NPAS3: variants seen among roughly 807,000 people sequenced by gnomAD.
NPAS3 encodes the protein neuronal PAS domain-containing protein 3.
NPAS3 carries 14 observed loss-of-function variants against 73.1 expected under a neutral mutation model. The observed-to-expected ratio is 0.19, with a 90% CI of 0.13 to 0.30. The LOEUF (loss-of-function observed/expected upper bound fraction) is 0.30. Among genes scored for constraint, NPAS3 ranks in the 10% least tolerant of loss-of-function variants. NPAS3 has a pLI of 1.00. For missense variants in NPAS3, 1,096 were observed against 1,250.0 expected, an observed-to-expected ratio of 0.88 and a Z score of 1.86; for synonymous variants, 620 against 541.5, an observed-to-expected ratio of 1.14 and a Z score of -2.01.
intron 5 of NPAS3, among the ~76,000 whole-genome samples, chr14:33,563,693 G>T (rs1198975501): frequency 6.6e-6 from 1 of 152,114 alleles, no homozygotes; most frequent in African/African-American, 2.4e-5. Context: ...TTATCTTAAA[G>T]GAAGATTCCC....
At chr14:33,226,197 T>C (rs2047626265) in intron 3 of NPAS3, among the ~76,000 whole-genome samples, 2 of 152,218 alleles carry the variant, frequency 1.3e-5, no homozygotes, top group Non-Finnish European at 2.9e-5. Context: ...GCTATTCACA[T>C]AGTCTTTTTA....
At chr14:33,151,570 A>G (rs2044445587) in intron 2 of NPAS3, among the ~76,000 whole-genome samples, 1 of 152,198 alleles carries the variant, frequency 6.6e-6, no homozygotes, top group African/African-American at 2.4e-5. Context: ...AAATTGTATC[A>G]TGTGATGAAT....
intron 2 of NPAS3, among the ~76,000 whole-genome samples, chr14:33,100,649 C>A (rs553304467): frequency 4.6e-5 from 7 of 152,180 alleles, no homozygotes; most frequent in African/African-American, 1.7e-4. Flanking sequence ...TATGAGTTAC[C>A]TGGAAGATAT....
At chr14:33,595,969 T>C (rs1437689289) in intron 5 of NPAS3, among the ~76,000 whole-genome samples, 1 of 152,240 alleles carries the variant, frequency 6.6e-6, no homozygotes, top group Non-Finnish European at 1.5e-5. Flanking sequence ...TTGAATCCTA[T>C]ATAGATAGCA....
intron 2 of NPAS3, among the ~76,000 whole-genome samples, chr14:33,194,829 T>C (rs1220279150): frequency 1.3e-5 from 2 of 152,182 alleles, no homozygotes; most frequent in African/African-American, 4.8e-5. Flanking sequence ...GGAGGTGATA[T>C]GGCAGTTGCT....
intron 1 of NPAS3, among the ~76,000 whole-genome samples, chr14:32,967,815 C>G (rs1002537015): frequency 1.3e-5 from 2 of 151,802 alleles, no homozygotes; most frequent in African/African-American, 4.8e-5. Flanking sequence ...ATCATATGAT[C>G]CAACAATTCT....
At chr14:33,719,023 G>C (rs1275131801) in intron 6 of NPAS3, among the ~76,000 whole-genome samples, 1 of 152,152 alleles carries the variant, frequency 6.6e-6, no homozygotes, top group African/African-American at 2.4e-5. Flanking sequence ...AGCTACTTGG[G>C]AGGCTGAGGT....
chr14:33,004,678 T>G (rs1416492071), intron 1 of NPAS3, among the ~76,000 whole-genome samples: 2 of 152,074 alleles, frequency 1.3e-5, no homozygotes, highest in Non-Finnish European at 2.9e-5. Context: ...CTATTTTACT[T>G]TATAAACTTT....
chr14:32,980,819 C>A (rs935649903), intron 1 of NPAS3, among the ~76,000 whole-genome samples: 1 of 152,166 alleles, frequency 6.6e-6, no homozygotes, highest in Admixed American at 6.5e-5. Flanking sequence ...AGGCCAGTAT[C>A]TCTAAATTTG....
chr14:33,423,502 G>A (rs1192475619), intron 4 of NPAS3, among the ~76,000 whole-genome samples: 1 of 151,940 alleles, frequency 6.6e-6, no homozygotes, highest in East Asian at 1.9e-4. Flanking sequence ...ACATGTCAGA[G>A]TAGGTAATAT....
chr14:33,692,828 C>A (rs1271358765), intron 6 of NPAS3, among the ~76,000 whole-genome samples: 1 of 102,918 alleles, frequency 9.7e-6, no homozygotes, highest in African/African-American at 4.0e-5. Flanking sequence ...TTAAGTAGCC[C>A]AATGTCTTAA....
intron 4 of NPAS3, among the ~76,000 whole-genome samples, chr14:33,404,299 A>G (rs2047570863): frequency 6.6e-6 from 1 of 152,100 alleles, no homozygotes; most frequent in Non-Finnish European, 1.5e-5. Context: ...AAGGAAAAAT[A>G]TTTTAATGTT....
chr14:33,175,691 A>G (rs1054119406), intron 2 of NPAS3, among the ~76,000 whole-genome samples: 1 of 152,210 alleles, frequency 6.6e-6, no homozygotes, highest in Admixed American at 6.5e-5. Flanking sequence ...AATTTAATTC[A>G]TAAGGTTGCC....
rs116130562 is a variant in NPAS3, at chr14:33,442,064, A to G, written c.468+74796A>G. ...TATTTCATGATTCCTCGTATGACAT[A>G]GTTTGCAGATTTCTCGATGTACTAC... is the stretch of plus-strand genomic sequence containing the variant. On this transcript the variant is annotated intron_variant, in intron 4 of 11. Coordinates refer to ENST00000356141, the Ensembl canonical transcript of NPAS3. Among the ~76,000 whole-genome samples, 582 of 152,292 alleles carry G rather than the reference A, an allele frequency of 3.8e-3. 1 individual carries two copies. Among genetic ancestry groups the G allele is most frequent in the African/African-American group, 0.012 (507 of 41,562 alleles).
intron 2 of NPAS3, among the ~76,000 whole-genome samples, chr14:33,150,998 G>A (rs575405733): frequency 3.3e-5 from 5 of 152,304 alleles, no homozygotes; most frequent in South Asian, 4.1e-4. Flanking sequence ...GATCTAATAC[G>A]ATATTCCTTG....
intron 4 of NPAS3, among the ~76,000 whole-genome samples, chr14:33,521,510 C>CT (rs1197106858): frequency 7.3e-5 from 7 of 95,514 alleles, no homozygotes; most frequent in Admixed American, 1.3e-4. Flanking sequence ...AGATGATCTG[C>CT]TTTAAAAAAA....
intron 4 of NPAS3, among the ~76,000 whole-genome samples, chr14:33,469,943 T>A (rs1464677619): frequency 6.6e-6 from 1 of 152,182 alleles, no homozygotes; most frequent in Non-Finnish European, 1.5e-5. Flanking sequence ...TCAGCTTCAC[T>A]TGGCATCAGG....
intron 5 of NPAS3, among the ~76,000 whole-genome samples, chr14:33,675,146 G>A (rs917654047): frequency 2.6e-5 from 4 of 152,086 alleles, no homozygotes; most frequent in Non-Finnish European, 4.4e-5. Context: ...ATTGCACTCC[G>A]GAGGACCGGG....
At chr14:33,515,204 T>TC (rs1303163162) in intron 4 of NPAS3, among the ~76,000 whole-genome samples, 1 of 152,114 alleles carries the variant, frequency 6.6e-6, no homozygotes, top group Non-Finnish European at 1.5e-5. Flanking sequence ...TAGGTTATAT[T>TC]CAGGGATACC....
Sources: allele counts gnomAD v4.1 joint callset (sites outside exome capture counted in the v4.1 genomes callset), GRCh38; gene constraint gnomAD v4.1.1; transcripts MANE v1.5; gene names NCBI Gene and HGNC (gene_info 2026-07-23, HGNC 2026-07-21).